The following MEGF10 variants were observed in gnomAD, a reference collection of about 807,000 sequenced individuals.
MEGF10 encodes the protein multiple epidermal growth factor-like domains protein 10.
MEGF10 carries 86 observed loss-of-function variants against 147.5 expected under a neutral mutation model. The observed-to-expected ratio is 0.58, with a 90% CI of 0.49 to 0.70. MEGF10 has a LOEUF of 0.70. Among genes scored for constraint, MEGF10 ranks in the 30% least tolerant of loss-of-function variants. The probability of loss-of-function intolerance (pLI) is 0.00; values close to 1 mark genes in which losing one functional copy is unlikely to be tolerated. For missense variants in MEGF10, 1,329 were observed against 1,487.3 expected, an observed-to-expected ratio of 0.89 and a Z score of 1.75; for synonymous variants, 478 against 525.5, an observed-to-expected ratio of 0.91 and a Z score of 1.24.
intron 8 of MEGF10, among the ~76,000 whole-genome samples, chr5:127,404,777 A>G (rs993391193): frequency 6.6e-6 from 1 of 151,694 alleles, no homozygotes; most frequent in Non-Finnish European, 1.5e-5. Flanking sequence ...GTGCAGTGGC[A>G]TGATCTCGGC....
upstream of MEGF10, among the ~76,000 whole-genome samples, chr5:127,287,415 C>A (rs1169887094): frequency 1.3e-5 from 2 of 151,828 alleles, no homozygotes; most frequent in Non-Finnish European, 2.9e-5. Flanking sequence ...GGGTACTGCA[C>A]AAAATTCCAC....
intron 2 of MEGF10, among the ~76,000 whole-genome samples, chr5:127,334,120 C>T (rs145732781): frequency 6.6e-6 from 1 of 152,050 alleles, no homozygotes; most frequent in African/African-American, 2.4e-5. Context: ...TTAAAATGAT[C>T]AAATAAAGGC....
At chr5:127,417,524 T>C in intron 9 of MEGF10, 114 bp from the exon 10 acceptor site, 2 of 1,032,692 alleles carry the variant, frequency 1.9e-6, no homozygotes, top group Non-Finnish European at 3.0e-6. Flanking sequence ...GTTTGAATTA[T>C]TCTGCATGGA....
chr5:127,263,023 A>G, the MEGF10 span, among the ~76,000 whole-genome samples: 1 of 152,172 alleles, frequency 6.6e-6, no homozygotes, highest in Non-Finnish European at 1.5e-5. Context: ...GTAACAACAA[A>G]AAAGTCCTAC....
chr5:127,247,582 A>C, the MEGF10 span, among the ~76,000 whole-genome samples: 2 of 152,046 alleles, frequency 1.3e-5, no homozygotes, highest in African/African-American at 4.8e-5. Context: ...TAATGGAGTA[A>C]CTGCTGTTGG....
chr5:127,388,794 C>T (rs896757581), intron 5 of MEGF10, among the ~76,000 whole-genome samples: 2 of 152,174 alleles, frequency 1.3e-5, no homozygotes, highest in African/African-American at 2.4e-5. Context: ...ATCCACCCGC[C>T]TCAGCCTCCC....
chr5:127,246,123 A>C, the MEGF10 span, among the ~76,000 whole-genome samples: 1 of 152,238 alleles, frequency 6.6e-6, no homozygotes, highest in Non-Finnish European at 1.5e-5. Flanking sequence ...TCAAAGGATT[A>C]TAAATCATTC....
At chr5:127,371,861 G>A (rs562135457) in intron 5 of MEGF10, among the ~76,000 whole-genome samples, 1 of 152,120 alleles carries the variant, frequency 6.6e-6, no homozygotes, top group Admixed American at 6.6e-5. Flanking sequence ...TTGGCTTTAT[G>A]ATGAACAAAA....
the MEGF10 span, among the ~76,000 whole-genome samples, chr5:127,239,176 A>G: frequency 6.6e-6 from 1 of 152,066 alleles, no homozygotes; most frequent in East Asian, 1.9e-4. Context: ...GAGACTAAAG[A>G]GACAGGATAA....
chr5:127,236,824 T>C, the MEGF10 span, among the ~76,000 whole-genome samples: 1 of 152,212 alleles, frequency 6.6e-6, no homozygotes, highest in African/African-American at 2.4e-5. Context: ...TATATTACAA[T>C]TGGGCATTTA....
chr5:127,316,843 A>G (rs900126307), intron 1 of MEGF10, among the ~76,000 whole-genome samples: 11 of 152,178 alleles, frequency 7.2e-5, no homozygotes, highest in African/African-American at 2.7e-4. Flanking sequence ...GGGATGTTTC[A>G]GGGTGTTACA....
chr5:127,334,211 G>C (rs1269593535), intron 2 of MEGF10, among the ~76,000 whole-genome samples: 1 of 151,972 alleles, frequency 6.6e-6, no homozygotes, highest in Admixed American at 6.6e-5. Context: ...GAGCTCCAAG[G>C]GCATAATTCT....
intron 9 of MEGF10, among the ~76,000 whole-genome samples, chr5:127,416,764 G>A (rs1396342323): frequency 6.6e-6 from 1 of 152,186 alleles, no homozygotes; most frequent in Non-Finnish European, 1.5e-5. Flanking sequence ...CAAGGAAGCT[G>A]TATTTCACTG....
At chr5:127,455,754 A>AT in intron 24 of MEGF10, 147 bp downstream of exon 24, 1 of 626,262 alleles carries the variant, frequency 1.6e-6, no homozygotes, top group East Asian at 3.3e-5. Flanking sequence ...TATTTTATGT[A>AT]TTTTTTGAGA....
At chr5:127,434,583 A>T in intron 14 of MEGF10, 104 bp from the exon 15 acceptor site, 2 of 1,248,576 alleles carry the variant, frequency 1.6e-6, no homozygotes, top group Non-Finnish European at 1.1e-6. Context: ...ACTTTTTTTT[A>T]AGGTTTTGCT....
At chr5:127,378,650 C>T (rs1347605887) in intron 5 of MEGF10, among the ~76,000 whole-genome samples, 1 of 152,058 alleles carries the variant, frequency 6.6e-6, no homozygotes, top group Non-Finnish European at 1.5e-5. Flanking sequence ...GCAGGGTCTC[C>T]CCATGTCTCC....
At chr5:127,369,766 G>T in intron 4 of MEGF10, 144 bp from the exon 5 acceptor site, 1 of 578,060 alleles carries the variant, frequency 1.7e-6, no homozygotes. Flanking sequence ...GACTGTAAGA[G>T]GGCTGAGGAA....
chr5:127,340,694 A>T lies in MEGF10; in HGVS notation c.319+64A>T, dbSNP rs908405055. The T allele has an allele frequency of 5.2e-6, 7 of 1,335,784 alleles. No individual in the cohort carries two copies. The African/African-American group carries it at 1.0e-4, about 19-fold the overall frequency. 82.7% of individuals were successfully genotyped at this position (1,335,784 alleles called of 1,614,324 possible). ...TTCCCAGTGCTGGTTTGCTTCCATT[A>T]ATAGCAGCTGAGACAGAGGTCTGGG... is the stretch of plus-strand genomic sequence containing the variant. On this transcript the variant is annotated intron_variant, in intron 4 of 24. Coordinates refer to ENST00000503335, the MANE Select transcript of MEGF10 (RefSeq NM_001256545.2).
chr5:127,361,427 T>C (rs559462692), intron 4 of MEGF10, among the ~76,000 whole-genome samples: 1 of 152,104 alleles, frequency 6.6e-6, no homozygotes, highest in Admixed American at 6.5e-5. Context: ...TCCTGGTAAG[T>C]ATAGTTAGAA....
Sources: gnomAD v4.1 joint callset for allele counts (sites outside exome capture counted in the v4.1 genomes callset) on GRCh38, gnomAD v4.1.1 for gene constraint, MANE v1.5 for transcripts, NCBI Gene and HGNC (gene_info 2026-07-23, HGNC 2026-07-21) for gene names.